The following RALGPS1 variants were observed in gnomAD, a reference collection of about 807,000 sequenced individuals.
RALGPS1 encodes the protein ras-specific guanine nucleotide-releasing factor RalGPS1.
RALGPS1 carries 19 observed loss-of-function variants against 78.8 expected under a neutral mutation model. The ratio of observed to expected loss-of-function variants is 0.24; its 90% CI spans 0.17 to 0.35. The LOEUF (loss-of-function observed/expected upper bound fraction) is 0.35, where lower values mean the gene tolerates loss of function less well. Among genes scored for constraint, RALGPS1 ranks in the 10% least tolerant of loss-of-function variants. The pLI, the probability that RALGPS1 is intolerant of heterozygous loss-of-function variation, is 1.00. For synonymous variants in RALGPS1, 228 were observed against 256.3 expected (o/e 0.89, Z 1.06); for missense variants, 454 against 688.3 (o/e 0.66, Z 3.81).
chr9:126,916,607 C>T (rs917801424), intron 1 of RALGPS1, among the ~76,000 whole-genome samples: 2 of 152,110 alleles, frequency 1.3e-5, no homozygotes, highest in African/African-American at 2.4e-5. Flanking sequence ...ATGGTGAAAC[C>T]CCCTCTCTAC....
chr9:126,977,533 G>A (rs930309779), intron 3 of RALGPS1, among the ~76,000 whole-genome samples, 162 bp from the exon 4 acceptor site: 15 of 152,104 alleles, frequency 9.9e-5, no homozygotes, highest in Admixed American at 5.9e-4. Flanking sequence ...GGATGGGAGA[G>A]GCATTTCAGA....
intron 5 of RALGPS1, among the ~76,000 whole-genome samples, chr9:127,044,803 A>G (rs1021192610): frequency 6.6e-6 from 1 of 152,140 alleles, no homozygotes; most frequent in Non-Finnish European, 1.5e-5. Context: ...TCTTAAGTGC[A>G]TATTGCCAAG....
chr9:126,929,554 C>T (rs998165986), intron 1 of RALGPS1, among the ~76,000 whole-genome samples: 2 of 151,390 alleles, frequency 1.3e-5, no homozygotes, highest in Non-Finnish European at 2.9e-5. Flanking sequence ...CAGGTTCAAG[C>T]GATTTTCCTG....
chr9:127,198,925 G>A lies in RALGPS1; in HGVS notation c.1196-90G>A. On this transcript the variant is annotated intron_variant, in intron 13 of 18. Coordinates refer to ENST00000259351, the MANE Select transcript of RALGPS1 (RefSeq NM_014636.3). ...GAAGCAGTTTCTGTGGCACTTCTGT[G>A]AGCTCAGGGGGCCTGGGCTCGGTGA... 3.4e-6 allele frequency: 4 copies of A among 1,164,496 alleles called. No homozygotes were observed. The South Asian group carries it at 4.9e-5, about 14-fold the overall frequency. The allele number at this position is 1,164,496 out of a possible 1,614,324, so 72.1% of individuals were successfully genotyped here.
chr9:126,986,679 A>T (rs2133052036), intron 4 of RALGPS1, among the ~76,000 whole-genome samples: 1 of 152,290 alleles, frequency 6.6e-6, no homozygotes, highest in East Asian at 1.9e-4. Flanking sequence ...CATCAAGGGG[A>T]AACTGCTGTT....
chr9:126,966,099 A>AAATAC, intron 3 of RALGPS1, 148 bp downstream of exon 3: 1 of 631,144 alleles, frequency 1.6e-6, no homozygotes, highest in Non-Finnish European at 2.8e-6. Context: ...ACCCTTTGTG[A>AAATAC]AATACAATGC....
chr9:127,041,703 T>G (rs1214464319), intron 5 of RALGPS1, among the ~76,000 whole-genome samples: 1 of 152,132 alleles, frequency 6.6e-6, no homozygotes, highest in African/African-American at 2.4e-5. Context: ...GGAAAACATG[T>G]TATACAGGGA....
intron 11 of RALGPS1, among the ~76,000 whole-genome samples, chr9:127,191,700 G>GTTTTTTT: frequency 8.0e-6 from 1 of 125,540 alleles, no homozygotes; most frequent in Non-Finnish European, 1.6e-5. Flanking sequence ...GTTTTTTTTT[G>GTTTTTTT]TTTTTTTTTT....
chr9:127,197,122 G>C (rs555890036), intron 13 of RALGPS1, among the ~76,000 whole-genome samples: 137 of 152,268 alleles, frequency 9.0e-4, no homozygotes, highest in African/African-American at 3.3e-3. Context: ...TGATATTCAG[G>C]GATGAAATTG....
chr9:126,979,570 C>G (rs1427276760), intron 4 of RALGPS1, among the ~76,000 whole-genome samples: 1 of 152,146 alleles, frequency 6.6e-6, no homozygotes, highest in Non-Finnish European at 1.5e-5. Flanking sequence ...GGGCAGCCCA[C>G]CTGCCGTGAG....
At chr9:127,083,902 CTTGTTTGT>C (rs779587923) in intron 8 of RALGPS1, among the ~76,000 whole-genome samples, 3 of 151,952 alleles carry the variant, frequency 2.0e-5, no homozygotes, top group Non-Finnish European at 2.9e-5. Context: ...AGATGGTCAG[CTTGTTTGT>C]TTGTTTGTTT....
At chr9:127,105,711 C>G (rs2054154970) in intron 8 of RALGPS1, among the ~76,000 whole-genome samples, 1 of 152,192 alleles carries the variant, frequency 6.6e-6, no homozygotes, top group Non-Finnish European at 1.5e-5. Context: ...CCAGAGAAAT[C>G]CATTGTCAGA....
intron 14 of RALGPS1, among the ~76,000 whole-genome samples, chr9:127,207,055 C>A (rs1429118400): frequency 1.3e-5 from 2 of 152,100 alleles, no homozygotes; most frequent in Non-Finnish European, 2.9e-5. Flanking sequence ...CTGAGCGAAT[C>A]CTGCTTAGCA....
intron 8 of RALGPS1, among the ~76,000 whole-genome samples, chr9:127,141,616 C>G (rs957516766): frequency 1.2e-4 from 8 of 68,654 alleles, no homozygotes; most frequent in Non-Finnish European, 1.5e-4. Flanking sequence ...TTTTTAATGG[C>G]AAAAAAAAAA....
At chr9:127,120,014 G>T (rs1275603419) in intron 8 of RALGPS1, among the ~76,000 whole-genome samples, 2 of 152,194 alleles carry the variant, frequency 1.3e-5, no homozygotes, top group Non-Finnish European at 2.9e-5. Flanking sequence ...TGGAACCTCA[G>T]GGGGCCACAG....
chr9:127,042,481 A>G (rs909835896), intron 5 of RALGPS1, among the ~76,000 whole-genome samples: 24 of 152,206 alleles, frequency 1.6e-4, no homozygotes, highest in African/African-American at 5.3e-4. Context: ...TAATTAAAAA[A>G]AAAATCTCAG....
At chr9:126,918,888 T>G (rs2034465085) in intron 1 of RALGPS1, among the ~76,000 whole-genome samples, 1 of 152,054 alleles carries the variant, frequency 6.6e-6, no homozygotes, top group Non-Finnish European at 1.5e-5. Flanking sequence ...CAGGCTGGTC[T>G]TGAACTGCAG....
chr9:126,979,720 G>C (rs2041063511), intron 4 of RALGPS1, among the ~76,000 whole-genome samples: 2 of 152,172 alleles, frequency 1.3e-5, no homozygotes, highest in Admixed American at 1.3e-4. Flanking sequence ...CAGTTTGGAA[G>C]GTACCTCATC....
chr9:126,938,449 G>A (rs1465423909), intron 1 of RALGPS1, among the ~76,000 whole-genome samples: 1 of 152,100 alleles, frequency 6.6e-6, no homozygotes, highest in African/African-American at 2.4e-5. Context: ...ATCTGTCTGG[G>A]CCCAGCAGGC....
Sources: gnomAD v4.1 joint callset for allele counts (sites outside exome capture counted in the v4.1 genomes callset) on GRCh38, gnomAD v4.1.1 for gene constraint, MANE v1.5 for transcripts, NCBI Gene and HGNC (gene_info 2026-07-23, HGNC 2026-07-21) for gene names.